OR2A5: variants seen among roughly 807,000 people sequenced by gnomAD.
OR2A5 encodes the protein olfactory receptor 2A5.
In OR2A5, 2 loss-of-function variants were observed where a neutral mutation model predicts 1.9. That is an observed-to-expected ratio of 1.04 (90% confidence interval 0.43 to 3.28). The LOEUF is 3.28. OR2A5 is among the 30% of genes most tolerant of loss of function. OR2A5 has a pLI of 0.08. For synonymous variants in OR2A5, 160 were observed against 154.5 expected, an observed-to-expected ratio of 1.04 and a Z score of -0.26; for missense variants, 391 against 375.9, an observed-to-expected ratio of 1.04 and a Z score of -0.33.
Position 144,057,292 on chromosome 7 carries a change from A to T in OR2A5, c.*5955A>T, listed in dbSNP as rs1374097543. On this transcript the variant is annotated 3_prime_UTR_variant, in exon 2 of 2. Transcript: ENST00000641693. Reference sequence around the variant, plus strand: ...GAATCTAGACTCAGATATAATATCTATTTATTTTATAAGGACGTAAAAATA... The same window carrying T: ...GAATCTAGACTCAGATATAATATCTTTTTATTTTATAAGGACGTAAAAATA... The T allele has an allele frequency of 6.6e-6, 1 of 152,210 alleles. No homozygotes were observed. Among genetic ancestry groups the T allele is most frequent in the Non-Finnish European group, 1.5e-5 (1 of 68,028 alleles). The allele number at this position is 152,210 out of a possible 1,614,324, so 9.4% of individuals were successfully genotyped here.
rs751222025 is a variant in OR2A5 at position 144,050,602 on chromosome 7, C to A, written c.201C>A (p.Ile67=). The stretch of plus-strand genomic sequence containing the variant: ...ACTTCTTTCTCTCACACCTGGCCAT[C>A]ATTGATATTTCGTATGCTTCCAACA... ...PMYFFLSHLA[I]IDISYASNNV... The change falls in exon 2 of 2, where the codon ATC becomes ATA. Residue 67 remains isoleucine, a synonymous_variant. Transcript: ENST00000641693. 3 of 1,612,060 alleles carry A rather than the reference C, an allele frequency of 1.9e-6. No homozygotes were observed. The highest frequency in any genetic ancestry group is 1.7e-6 in the Non-Finnish European group (2 of 1,178,922).
chr7:144,055,003 A>G lies in OR2A5; in HGVS notation c.*3666A>G, dbSNP rs1216036154. On this transcript the variant is annotated 3_prime_UTR_variant, in exon 2 of 2. Coordinates refer to ENST00000641693, the MANE Select transcript of OR2A5 (RefSeq NM_012365.2). ...GGCCTTACTATTGCCCTGGATACTAATCATATTAGGAAAGAAATATATAGA... is the reference window on the plus strand; with the variant it reads ...GGCCTTACTATTGCCCTGGATACTAGTCATATTAGGAAAGAAATATATAGA... The G allele has an allele frequency of 6.6e-6, 1 of 152,196 alleles. No individual in the cohort carries two copies. The highest frequency in any genetic ancestry group is 1.5e-5 in the Non-Finnish European group (1 of 68,026). The allele number at this position is 152,196 out of a possible 1,614,324, so 9.4% of individuals were successfully genotyped here.
intron 1 of OR2A5, 56 bp downstream of exon 1, chr7:144,049,189 G>A (rs2050883611): frequency 1.3e-5 from 2 of 152,298 alleles, no homozygotes; most frequent in Admixed American, 1.3e-4. Context: ...GGGTCTGGAT[G>A]AAGGCAGGGC....
chr7:144,055,452 G>C lies in OR2A5; in HGVS notation c.*4115G>C, dbSNP rs1563028350. 1 of 152,058 alleles carries C rather than the reference G, an allele frequency of 6.6e-6. No individual in the cohort carries two copies. The highest frequency in any genetic ancestry group is 1.5e-5 in the Non-Finnish European group (1 of 68,014). The allele number at this position is 152,058 out of a possible 1,614,324, so 9.4% of individuals were successfully genotyped here. The stretch of plus-strand genomic sequence containing the variant: ...ATAAACTTTTTCATCTTTTTAATGA[G>C]GGGCGGAGTTTAACCTGATTTTAAA... On this transcript the variant is annotated 3_prime_UTR_variant, in exon 2 of 2. Transcript: ENST00000641693.
At position 144,053,238 on chromosome 7, in the gene OR2A5, T is replaced by G. The variant is rs1288786888; in HGVS notation, c.*1901T>G. On this transcript the variant is annotated 3_prime_UTR_variant, in exon 2 of 2. Transcript: ENST00000641693. ...TCTTAATAGTGGCTCTAATTTTATATATATATATATATTGAATACATTACA... is the reference window on the plus strand; with the variant it reads ...TCTTAATAGTGGCTCTAATTTTATAGATATATATATATTGAATACATTACA... 1 of 151,912 alleles carries G rather than the reference T, an allele frequency of 6.6e-6. No homozygotes were observed. The highest frequency in any genetic ancestry group is 1.5e-5 in the Non-Finnish European group (1 of 67,948). 9.4% of individuals were successfully genotyped at this position (151,912 alleles called of 1,614,324 possible).
rs1022872887 is a variant in OR2A5 at position 144,051,154 on chromosome 7, C to T, written c.753C>T (p.Phe251=). 1.5e-5 allele frequency: 24 copies of T among 1,614,104 alleles called. No homozygotes were observed. The highest frequency in any genetic ancestry group is 1.6e-4 in the Middle Eastern group (1 of 6,082). The part of the protein sequence containing the change: ...CSSHLCMVGL[F]FGSAIVMYMA... ...CCCACCTTTGCATGGTGGGACTCTT[C>T]TTTGGCAGCGCCATTGTCATGTACA... Residue 251 remains phenylalanine, a synonymous_variant, in exon 2 of 2, where the codon TTC becomes TTT. Coordinates refer to ENST00000641693, the MANE Select transcript of OR2A5 (RefSeq NM_012365.2).
chr7:144,053,961 G>A lies in OR2A5; in HGVS notation c.*2624G>A, dbSNP rs570752330. Reference sequence around the variant, plus strand: ...AACGAGAGACACCCTGCTGTTCTCAGTGATCATCTTACCTATGATTCTGGT... The same window carrying A: ...AACGAGAGACACCCTGCTGTTCTCAATGATCATCTTACCTATGATTCTGGT... On this transcript the variant is annotated 3_prime_UTR_variant, in exon 2 of 2. Coordinates refer to ENST00000641693, the MANE Select transcript of OR2A5 (RefSeq NM_012365.2). 1.3e-5 allele frequency: 2 copies of A among 152,238 alleles called. No individual in the cohort carries two copies. Among genetic ancestry groups the A allele is most frequent in the Non-Finnish European group, 2.9e-5 (2 of 68,060 alleles). 9.4% of individuals were successfully genotyped at this position (152,238 alleles called of 1,614,324 possible). A position where few individuals can be genotyped will look rare whatever the true frequency, so the allele number is the denominator to read the frequency against.
rs931412628 is a variant in OR2A5, at chr7:144,055,526, C to CT, written c.*4195dup. ...TTTTAAATGGTAATTCTAAGATAAT[C>CT]TTTTTTCTGTCAAAATCCCGTCTTG... On this transcript the variant is annotated 3_prime_UTR_variant, in exon 2 of 2. Coordinates refer to ENST00000641693, the MANE Select transcript of OR2A5 (RefSeq NM_012365.2). The CT allele has an allele frequency of 6.6e-6, 1 of 152,090 alleles. No individual in the cohort carries two copies. Among genetic ancestry groups the CT allele is most frequent in the African/African-American group, 2.4e-5 (1 of 41,396 alleles). The allele number at this position is 152,090 out of a possible 1,614,324, so 9.4% of individuals were successfully genotyped here.
Position 144,050,817 on chromosome 7 carries a change from G to C in OR2A5, c.416G>C (p.Gly139Ala), listed in dbSNP as rs1323380630. The C allele has an allele frequency of 1.2e-6, 2 of 1,614,196 alleles. No homozygotes were observed. Among genetic ancestry groups the C allele is most frequent in the Admixed American group, 3.3e-5 (2 of 60,024 alleles). Residue 139 changes from glycine to alanine, a missense_variant, in exon 2 of 2, where the codon GGA becomes GCA. Transcript: ENST00000641693. The part of the protein sequence containing the change: ...PLQYSVIMRW[G>A]VCTVLAVTSW... ...CAATATTCTGTCATCATGAGATGGG[G>C]AGTGTGCACAGTCCTGGCTGTCACT...
At position 144,050,394 on chromosome 7, in the gene OR2A5, AC is replaced by A. The variant is rs779899066; in HGVS notation, c.-7del. The A allele has an allele frequency of 2.2e-5, 34 of 1,529,586 alleles. No individual in the cohort carries two copies. The Admixed American group carries it at 7.4e-4, about 33-fold the overall frequency. 94.8% of individuals were successfully genotyped at this position (1,529,586 alleles called of 1,614,324 possible). A position where few individuals can be genotyped will look rare whatever the true frequency, so the allele number is the denominator to read the frequency against. The stretch of plus-strand genomic sequence containing the variant: ...AGCAGAGTCCAACGCAGGTACTGTC[AC>A]AAGGGCATGACAAAAAATCAGACAT... On this transcript the variant is annotated 5_prime_UTR_variant, in exon 2 of 2. Coordinates refer to ENST00000641693, the MANE Select transcript of OR2A5 (RefSeq NM_012365.2).
rs1327147027 is a variant in OR2A5, at chr7:144,055,908, A to G, written c.*4571A>G. 1 of 152,752 alleles carries G rather than the reference A, an allele frequency of 6.5e-6. No individual in the cohort carries two copies. Among genetic ancestry groups the G allele is most frequent in the Non-Finnish European group, 1.5e-5 (1 of 68,512 alleles). The allele number at this position is 152,752 out of a possible 1,614,324, so 9.5% of individuals were successfully genotyped here. On this transcript the variant is annotated 3_prime_UTR_variant, in exon 2 of 2. Transcript: ENST00000641693. ...TGGGACCCCATCTTTGAAAAAACAA[A>G]CAAACAAACAAACAAAAAACCCCAC...
In OR2A5 at chr7:144,055,134, T is replaced by C. The variant is rs1476678039; in HGVS notation, c.*3797T>C. 6.6e-6 allele frequency: 1 copy of C among 152,230 alleles called. No individual in the cohort carries two copies. Among genetic ancestry groups the C allele is most frequent in the East Asian group, 1.9e-4 (1 of 5,198 alleles). 9.4% of individuals were successfully genotyped at this position (152,230 alleles called of 1,614,324 possible). ...AGCAAACAGGATAATTGTCTTCATA[T>C]GTCCCATCGAGAATCTTGCAGGAGG... On this transcript the variant is annotated 3_prime_UTR_variant, in exon 2 of 2. Transcript: ENST00000641693.
Position 144,053,250 on chromosome 7 carries a change from T to TA in OR2A5, c.*1913_*1914insA, listed in dbSNP as rs2050917940. 2 of 151,922 alleles carry TA rather than the reference T, an allele frequency of 1.3e-5. No individual in the cohort carries two copies. Among genetic ancestry groups the TA allele is most frequent in the East Asian group, 1.9e-4 (1 of 5,194 alleles). 9.4% of individuals were successfully genotyped at this position (151,922 alleles called of 1,614,324 possible). ...CTCTAATTTTATATATATATATATA[T>TA]TGAATACATTACAGAAAATACCTGA... On this transcript the variant is annotated 3_prime_UTR_variant, in exon 2 of 2. Coordinates refer to ENST00000641693, the MANE Select transcript of OR2A5 (RefSeq NM_012365.2).
chr7:144,057,494 C>T lies in OR2A5; in HGVS notation c.*6157C>T, dbSNP rs1405391751. 1 of 151,950 alleles carries T rather than the reference C, an allele frequency of 6.6e-6. No homozygotes were observed. Among genetic ancestry groups the T allele is most frequent in the Non-Finnish European group, 1.5e-5 (1 of 67,970 alleles). 9.4% of individuals were successfully genotyped at this position (151,950 alleles called of 1,614,324 possible). ...TAAGGAGGAAAAGAAAATAATAAAA[C>T]CTTCAGAGAATAAAAGAATAGCTAC... On this transcript the variant is annotated 3_prime_UTR_variant, in exon 2 of 2. Coordinates refer to ENST00000641693, the MANE Select transcript of OR2A5 (RefSeq NM_012365.2).
In OR2A5 at chr7:144,055,543, C is replaced by A. The variant is rs1284966430; in HGVS notation, c.*4206C>A. 1 of 152,070 alleles carries A rather than the reference C, an allele frequency of 6.6e-6. No individual in the cohort carries two copies. The highest frequency in any genetic ancestry group is 2.4e-5 in the African/African-American group (1 of 41,398). 9.4% of individuals were successfully genotyped at this position (152,070 alleles called of 1,614,324 possible). A position where few individuals can be genotyped will look rare whatever the true frequency, so the allele number is the denominator to read the frequency against. On this transcript the variant is annotated 3_prime_UTR_variant, in exon 2 of 2. Transcript: ENST00000641693. ...AAGATAATCTTTTTTCTGTCAAAAT[C>A]CCGTCTTGTTCTTCCGAGGATTCAG...
rs2128797261 is a variant in OR2A5, at chr7:144,051,092, G to C, written c.691G>C (p.Gly231Arg). 1.2e-6 allele frequency: 2 copies of C among 1,614,146 alleles called. No individual in the cohort carries two copies. Among genetic ancestry groups the C allele is most frequent in the South Asian group, 2.2e-5 (2 of 91,080 alleles). Residue 231 changes from glycine (G) to arginine (R), a missense_variant, in exon 2 of 2, where the codon GGG (glycine) becomes CGG (arginine). By Grantham distance (125) the Gly-to-Arg change is moderately radical. Coordinates refer to ENST00000641693, the MANE Select transcript of OR2A5 (RefSeq NM_012365.2). The stretch of plus-strand genomic sequence containing the variant: ...GGCGGCCATCTTGAGGATCCAGTCT[G>C]GGGAGGGCCGCAGAAAGGCCTTCTC... Reference protein sequence around the residue: ...ILAAILRIQSGEGRRKAFSTC... With the variant: ...ILAAILRIQSREGRRKAFSTC...
chr7:144,055,268 A>G lies in OR2A5; in HGVS notation c.*3931A>G, dbSNP rs1422306235. 1 of 152,206 alleles carries G rather than the reference A, an allele frequency of 6.6e-6. No individual in the cohort carries two copies. The highest frequency in any genetic ancestry group is 1.5e-5 in the Non-Finnish European group (1 of 68,038). The allele number at this position is 152,206 out of a possible 1,614,324, so 9.4% of individuals were successfully genotyped here. A position where few individuals can be genotyped will look rare whatever the true frequency, so the allele number is the denominator to read the frequency against. On this transcript the variant is annotated 3_prime_UTR_variant, in exon 2 of 2. Coordinates refer to ENST00000641693, the MANE Select transcript of OR2A5 (RefSeq NM_012365.2). ...ACATCAATATGAGAAAATATTTTTG[A>G]ACATTATAAGTTATGCAACAATGAG...
chr7:144,049,849 T>C (rs978717346), intron 1 of OR2A5, among the ~76,000 whole-genome samples: 6 of 152,248 alleles, frequency 3.9e-5, no homozygotes, highest in Non-Finnish European at 8.8e-5. Flanking sequence ...TCTTTGAAAT[T>C]GCATTTGTAA....
rs188015303 is a variant in OR2A5, at chr7:144,050,114, A to T, written c.-51-237A>T. On this transcript the variant is annotated intron_variant, in intron 1 of 1. Coordinates refer to ENST00000641693, the MANE Select transcript of OR2A5 (RefSeq NM_012365.2). ...CTGTGGCTGCCCTTCTGATAGCAAA[A>T]ATGTGGGTCTTGCAATCCAAGTTAA... is the stretch of plus-strand genomic sequence containing the variant. Among the ~76,000 whole-genome samples, 1,143 of 152,300 alleles carry T rather than the reference A, an allele frequency of 7.5e-3. 19 individuals carry two copies. Among genetic ancestry groups the T allele is most frequent in the African/African-American group, 0.026 (1,086 of 41,554 alleles).
Sources: gnomAD v4.1 joint callset for allele counts (sites outside exome capture counted in the v4.1 genomes callset) on GRCh38, gnomAD v4.1.1 for gene constraint, MANE v1.5 for transcripts, NCBI Gene and HGNC (gene_info 2026-07-23, HGNC 2026-07-21) for gene names.